The following KLHL29 variants were observed in gnomAD, a reference collection of about 807,000 sequenced individuals.
KLHL29 encodes kelch like family member 29.
Under a neutral mutation model 80.4 loss-of-function variants are expected in KLHL29, and 21 were observed. The observed-to-expected ratio is 0.26, with a 90% CI of 0.19 to 0.38. The LOEUF (loss-of-function observed/expected upper bound fraction) is 0.38, where lower values mean the gene tolerates loss of function less well. KLHL29 is among the 10% of genes least tolerant of loss of function. The probability of loss-of-function intolerance (pLI) is 1.00; values close to 1 mark genes in which losing one functional copy is unlikely to be tolerated. For missense variants in KLHL29, 867 were observed against 1,223.9 expected, an observed-to-expected ratio of 0.71 and a Z score of 4.35; for synonymous variants, 511 against 526.8, an observed-to-expected ratio of 0.97 and a Z score of 0.41.
intron 1 of KLHL29, among the ~76,000 whole-genome samples, chr2:23,464,830 C>T (rs952862753): frequency 2.0e-5 from 3 of 152,126 alleles, no homozygotes; most frequent in African/African-American, 7.2e-5. Flanking sequence ...ATTTTTCCCA[C>T]CTCTTCTCTT....
Position 23,626,052 on chromosome 2 carries a change from G to C in KLHL29, c.286-13087G>C, listed in dbSNP as rs72849688. Among the ~76,000 whole-genome samples the C allele has an allele frequency of 7.9e-3, 1,201 of 152,232 alleles. 10 individuals are homozygous for C. Among genetic ancestry groups the C allele is most frequent in the African/African-American group, 0.028 (1,162 of 41,516 alleles). On this transcript the variant is annotated intron_variant, in intron 3 of 13. Coordinates refer to ENST00000486442, the MANE Select transcript of KLHL29 (RefSeq NM_052920.2). The stretch of plus-strand genomic sequence containing the variant: ...GGTCCCCAACGTTTTTGGCATCAGG[G>C]ACCGGTTTTGTGGAAGAGAATTTTT...
At chr2:23,686,394 G>T (rs767746170) in intron 6 of KLHL29, among the ~76,000 whole-genome samples, 2 of 152,182 alleles carry the variant, frequency 1.3e-5, no homozygotes, top group Non-Finnish European at 2.9e-5. Flanking sequence ...TGACTCCGCC[G>T]CTTGTCTTGT....
chr2:23,462,681 T>C (rs1295780000), intron 1 of KLHL29, among the ~76,000 whole-genome samples: 1 of 152,230 alleles, frequency 6.6e-6, no homozygotes, highest in East Asian at 1.9e-4. Context: ...ATTAATCTTA[T>C]GCCCAAACAT....
At chr2:23,653,713 C>T (rs896996579) in intron 5 of KLHL29, among the ~76,000 whole-genome samples, 1 of 152,144 alleles carries the variant, frequency 6.6e-6, no homozygotes, top group East Asian at 1.9e-4. Flanking sequence ...ATATGGGAGC[C>T]CCCACCCCAT....
intron 1 of KLHL29, among the ~76,000 whole-genome samples, chr2:23,418,950 C>T (rs1440548778): frequency 6.6e-6 from 1 of 152,110 alleles, no homozygotes; most frequent in Non-Finnish European, 1.5e-5. Flanking sequence ...ATGGCACTTT[C>T]CATGGTAAAG....
intron 1 of KLHL29, among the ~76,000 whole-genome samples, chr2:23,466,838 C>T (rs895682598): frequency 1.3e-5 from 2 of 152,122 alleles, no homozygotes; most frequent in Non-Finnish European, 2.9e-5. Flanking sequence ...GGGAGAGGAC[C>T]AGGACTTTCT....
In KLHL29 at chr2:23,499,166, A is replaced by G. The variant is rs144173264; in HGVS notation, c.-46+23499A>G. On this transcript the variant is annotated intron_variant, in intron 2 of 13. Transcript: ENST00000486442. ...CTTTATTATTTTTGGATTTTTTGGC[A>G]TACTCACTGAAGCCAGGCCTGGGTA... is the stretch of plus-strand genomic sequence containing the variant. 4.6e-5 allele frequency among the ~76,000 whole-genome samples: 7 copies of G among 152,252 alleles called. No homozygotes were observed. In the East Asian group the frequency reaches 1.4e-3, roughly 29 times the overall value.
chr2:23,704,293 G>C (rs563134197), intron 13 of KLHL29, among the ~76,000 whole-genome samples: 1 of 152,336 alleles, frequency 6.6e-6, no homozygotes, highest in East Asian at 1.9e-4. Flanking sequence ...TTTGGGAGCT[G>C]TGCTCAGAGT....
intron 3 of KLHL29, among the ~76,000 whole-genome samples, chr2:23,614,524 A>T (rs1360183812): frequency 2.0e-5 from 3 of 152,262 alleles, no homozygotes; most frequent in Non-Finnish European, 4.4e-5. Context: ...TAATAATAAT[A>T]AAGGTATAGA....
chr2:23,571,183 G>A (rs186772602), intron 3 of KLHL29, among the ~76,000 whole-genome samples: 1 of 152,250 alleles, frequency 6.6e-6, no homozygotes, highest in Non-Finnish European at 1.5e-5. Flanking sequence ...ACATGACCCA[G>A]ATTCTTCACC....
At chr2:23,515,845 C>A (rs912184000) in intron 2 of KLHL29, among the ~76,000 whole-genome samples, 3 of 152,336 alleles carry the variant, frequency 2.0e-5, no homozygotes, top group Admixed American at 6.5e-5. Flanking sequence ...GGCATCTGAG[C>A]AGAGTGGCTG....
intron 1 of KLHL29, among the ~76,000 whole-genome samples, chr2:23,441,490 A>G (rs892798206): frequency 1.3e-5 from 2 of 151,700 alleles, no homozygotes; most frequent in African/African-American, 4.8e-5. Flanking sequence ...AAGAATAATA[A>G]TAATAATTAA....
chr2:23,637,587 G>A (rs1572456389), intron 3 of KLHL29, among the ~76,000 whole-genome samples: 1 of 152,230 alleles, frequency 6.6e-6, no homozygotes, highest in African/African-American at 2.4e-5. Flanking sequence ...GCTGAGCGCA[G>A]CCCACAGGTC....
At chr2:23,493,289 A>G (rs1474950226) in intron 2 of KLHL29, among the ~76,000 whole-genome samples, 1 of 152,172 alleles carries the variant, frequency 6.6e-6, no homozygotes, top group African/African-American at 2.4e-5. Context: ...CAGGCAGGCC[A>G]GGATGTTCAT....
At position 23,706,414 on chromosome 2, in the gene KLHL29, G is replaced by A. The variant is rs960349416; in HGVS notation, c.2445-67G>A. ...GCAGCCTACAACAGGACACGACGTTGAGAACCTATCTCCAGGGCCAAGTTG... is the reference window on the plus strand; with the variant it reads ...GCAGCCTACAACAGGACACGACGTTAAGAACCTATCTCCAGGGCCAAGTTG... On this transcript the variant is annotated intron_variant, in intron 13 of 13. Coordinates refer to ENST00000486442, the MANE Select transcript of KLHL29 (RefSeq NM_052920.2). 6.2e-6 allele frequency: 8 copies of A among 1,284,278 alleles called. No individual in the cohort carries two copies. The African/African-American group carries it at 1.2e-4, about 20-fold the overall frequency. The allele number at this position is 1,284,278 out of a possible 1,614,324, so 79.6% of individuals were successfully genotyped here.
intron 3 of KLHL29, 43 bp from the exon 4 acceptor site, chr2:23,639,096 T>G (rs1669694914): frequency 3.4e-6 from 5 of 1,482,600 alleles, no homozygotes; most frequent in Non-Finnish European, 4.5e-6. Context: ...TGGAGGCTGG[T>G]CTCTGGCCAG....
intron 13 of KLHL29, among the ~76,000 whole-genome samples, chr2:23,705,210 G>A (rs1672641718): frequency 6.6e-6 from 1 of 152,186 alleles, no homozygotes; most frequent in South Asian, 2.1e-4. Context: ...AAATGGGAAA[G>A]GGCCAGGCAC....
Position 23,385,488 on chromosome 2 carries a change from C to A in KLHL29, c.-446C>A. 5.8e-6 allele frequency: 1 copy of A among 173,280 alleles called. No homozygotes were observed. The highest frequency in any genetic ancestry group is 1.9e-4 in the East Asian group (1 of 5,318). The allele number at this position is 173,280 out of a possible 1,614,324, so 10.7% of individuals were successfully genotyped here. A position where few individuals can be genotyped will look rare whatever the true frequency, so the allele number is the denominator to read the frequency against. Reference sequence around the variant, plus strand: ...CGCCGCCTCGATGAGAGCCGCGCCGCACCGCTCATAGCCGCACAGGCTGAC... The same window carrying A: ...CGCCGCCTCGATGAGAGCCGCGCCGAACCGCTCATAGCCGCACAGGCTGAC... On this transcript the variant is annotated 5_prime_UTR_variant, in exon 1 of 14. Coordinates refer to ENST00000486442, the MANE Select transcript of KLHL29 (RefSeq NM_052920.2).
At chr2:23,550,973 T>C (rs1667108477) in intron 2 of KLHL29, among the ~76,000 whole-genome samples, 1 of 152,200 alleles carries the variant, frequency 6.6e-6, no homozygotes, top group African/African-American at 2.4e-5. Context: ...AAGACTGGGA[T>C]CGTGTGTTTG....
Sources: gnomAD v4.1 joint callset for allele counts (sites outside exome capture counted in the v4.1 genomes callset) on GRCh38, gnomAD v4.1.1 for gene constraint, MANE v1.5 for transcripts, NCBI Gene and HGNC (gene_info 2026-07-23, HGNC 2026-07-21) for gene names.